Variants in MYO3B observed in about 807,000 individuals in gnomAD.
MYO3B encodes the protein myosin IIIB.
MYO3B carries 156 observed loss-of-function variants against 174.6 expected under a neutral mutation model. The observed-to-expected ratio is 0.89, with a 90% CI of 0.78 to 1.02. The LOEUF (loss-of-function observed/expected upper bound fraction) is 1.02. Among genes scored for constraint, MYO3B ranks in the 50% least tolerant of loss-of-function variants. The probability of loss-of-function intolerance (pLI) is 0.00; values close to 1 mark genes in which losing one functional copy is unlikely to be tolerated. For missense variants in MYO3B, 1,632 were observed against 1,639.4 expected (o/e 1.00, Z 0.08); for synonymous variants, 563 against 569.1 (o/e 0.99, Z 0.15).
At chr2:170,294,439 TAA>T (rs1413836030) in intron 7 of MYO3B, among the ~76,000 whole-genome samples, 1 of 151,946 alleles carries the variant, frequency 6.6e-6, no homozygotes, top group Non-Finnish European at 1.5e-5. Context: ...CTCAAAAATA[TAA>T]GTTTCAAACA....
chr2:170,310,703 G>C (rs1266693785), intron 7 of MYO3B, among the ~76,000 whole-genome samples: 1 of 150,208 alleles, frequency 6.7e-6, no homozygotes. Context: ...ACATTGGTTT[G>C]GTCCAGAAAG....
intron 25 of MYO3B, among the ~76,000 whole-genome samples, chr2:170,469,841 A>C (rs1191566915): frequency 6.6e-6 from 1 of 152,060 alleles, no homozygotes; most frequent in Non-Finnish European, 1.5e-5. Context: ...GGTGGCTCAC[A>C]CCTGTAATCC....
At chr2:170,378,873 A>G (rs1185641274) in intron 9 of MYO3B, among the ~76,000 whole-genome samples, 2 of 152,202 alleles carry the variant, frequency 1.3e-5, no homozygotes, top group Non-Finnish European at 2.9e-5. Flanking sequence ...GAAGGAAAAA[A>G]AAGCCTGGAA....
At chr2:170,339,977 A>T (rs151007064) in intron 8 of MYO3B, among the ~76,000 whole-genome samples, 1 of 152,314 alleles carries the variant, frequency 6.6e-6, no homozygotes, top group East Asian at 1.9e-4. Context: ...CTATTTGCAT[A>T]ACAAGTTTAT....
intron 7 of MYO3B, among the ~76,000 whole-genome samples, chr2:170,269,576 A>G (rs2093411876): frequency 1.3e-5 from 2 of 152,180 alleles, no homozygotes; most frequent in Admixed American, 1.3e-4. Context: ...ATAAAAATAC[A>G]CTTGGCACAC....
rs1217419329 is a variant in MYO3B at position 170,178,220 on chromosome 2, G to A, written c.-68G>A. On this transcript the variant is annotated 5_prime_UTR_variant, in exon 1 of 35. Transcript: ENST00000408978. ...AGACACCATTTTCTGGGCCTGAAGT[G>A]TTCTGCTGGTTTTTGGAGGAATGAG... The A allele has an allele frequency of 6.2e-7, 1 of 1,604,924 alleles. No individual in the cohort carries two copies. Among genetic ancestry groups the A allele is most frequent in the Non-Finnish European group, 8.5e-7 (1 of 1,171,752 alleles).
chr2:170,390,181 G>A (rs1391830959), intron 14 of MYO3B, among the ~76,000 whole-genome samples: 2 of 152,198 alleles, frequency 1.3e-5, no homozygotes, highest in Non-Finnish European at 2.9e-5. Flanking sequence ...GCTCACGCCT[G>A]TAATCCCAGC....
At chr2:170,502,039 C>T (rs892135988) in intron 28 of MYO3B, among the ~76,000 whole-genome samples, 174 bp downstream of exon 28, 1 of 152,168 alleles carries the variant, frequency 6.6e-6, no homozygotes, top group Non-Finnish European at 1.5e-5. Context: ...ATGATGCTAA[C>T]GGTGAGCATG....
At chr2:170,548,955 C>T (rs1690709758) in intron 32 of MYO3B, among the ~76,000 whole-genome samples, 1 of 152,150 alleles carries the variant, frequency 6.6e-6, no homozygotes, top group Non-Finnish European at 1.5e-5. Flanking sequence ...TCTCCTTCTT[C>T]CTTTTTCATC....
chr2:170,294,847 T>C (rs1466940953), intron 7 of MYO3B, among the ~76,000 whole-genome samples: 4 of 152,054 alleles, frequency 2.6e-5, no homozygotes, highest in Admixed American at 6.6e-5. Flanking sequence ...GTGGAAGATA[T>C]TGAGAATGGG....
intron 22 of MYO3B, among the ~76,000 whole-genome samples, chr2:170,427,610 AG>A (rs2094675205): frequency 6.6e-6 from 1 of 152,200 alleles, no homozygotes; most frequent in Admixed American, 6.5e-5. Context: ...GGCACATGCA[AG>A]TTTGGTTTCC....
At chr2:170,613,640 G>T (rs1292298849) in intron 32 of MYO3B, among the ~76,000 whole-genome samples, 1 of 152,194 alleles carries the variant, frequency 6.6e-6, no homozygotes, top group Non-Finnish European at 1.5e-5. Flanking sequence ...CTGTGAGGGT[G>T]TTGCCAAAGG....
rs3047156 is a variant in MYO3B at position 170,636,957 on chromosome 2, C to CGTGTGTGTGTGT, written c.3734-14650_3734-14639dup. ...CATGGACAAAGCATTTGCTTTTGTG[C>CGTGTGTGTGTGT]GTGTGTGTGTGTGTGTGTGTGTGTG... On this transcript the variant is annotated intron_variant, in intron 32 of 34. Transcript: ENST00000408978. 2.3e-3 allele frequency among the ~76,000 whole-genome samples: 331 copies of CGTGTGTGTGTGT among 146,668 alleles called. 2 individuals are homozygous for CGTGTGTGTGTGT. The highest frequency in any genetic ancestry group is 7.6e-3 in the African/African-American group (301 of 39,704).
At chr2:170,324,724 A>G (rs898135234) in intron 7 of MYO3B, among the ~76,000 whole-genome samples, 3 of 152,194 alleles carry the variant, frequency 2.0e-5, no homozygotes, top group African/African-American at 4.8e-5. Context: ...CTTCTTTGCC[A>G]TGTGGCAGAT....
chr2:170,197,799 A>C lies in MYO3B; in HGVS notation c.3-1409A>C, dbSNP rs189193970. On this transcript the variant is annotated intron_variant, in intron 1 of 34. Coordinates refer to ENST00000408978, the MANE Select transcript of MYO3B (RefSeq NM_138995.5). ...TATTAACTATTTACTGAATGCATAA[A>C]TAACATTTTATGGTAATTTTGGCTA... Among the ~76,000 whole-genome samples the C allele has an allele frequency of 4.6e-5, 7 of 152,298 alleles. No homozygotes were observed. The East Asian group carries it at 1.3e-3, about 29-fold the overall frequency.
At chr2:170,568,236 A>G (rs1284580749) in intron 32 of MYO3B, among the ~76,000 whole-genome samples, 2 of 152,252 alleles carry the variant, frequency 1.3e-5, no homozygotes, top group Admixed American at 6.5e-5. Context: ...TCTTATGTCT[A>G]AATAAACAGA....
At chr2:170,198,233 T>A (rs907417412) in intron 1 of MYO3B, among the ~76,000 whole-genome samples, 1 of 152,158 alleles carries the variant, frequency 6.6e-6, no homozygotes, top group African/African-American at 2.4e-5. Flanking sequence ...TATTCTTCAT[T>A]TTCCCTCCAG....
intron 32 of MYO3B, among the ~76,000 whole-genome samples, chr2:170,551,071 G>C (rs1690847170): frequency 6.6e-6 from 1 of 151,188 alleles, no homozygotes; most frequent in South Asian, 2.1e-4. Flanking sequence ...GCTTTTTTTT[G>C]TATTTTTTTG....
intron 30 of MYO3B, among the ~76,000 whole-genome samples, chr2:170,532,194 G>A (rs1032923709): frequency 1.3e-5 from 2 of 152,174 alleles, no homozygotes; most frequent in East Asian, 1.9e-4. Flanking sequence ...ATTTAATCAC[G>A]AGGAAACAGC....
Sources: allele counts gnomAD v4.1 joint callset (sites outside exome capture counted in the v4.1 genomes callset), GRCh38; gene constraint gnomAD v4.1.1; transcripts MANE v1.5; gene names NCBI Gene and HGNC (gene_info 2026-07-23, HGNC 2026-07-21).